Variants in NKAIN3 observed in about 807,000 individuals in gnomAD.
The protein encoded by NKAIN3 is sodium/potassium-transporting ATPase subunit beta-1-interacting protein 3.
A neutral mutation model predicts 30.2 loss-of-function variants in NKAIN3; 25 were observed. The ratio of observed to expected loss-of-function variants is 0.83; its 90% CI spans 0.60 to 1.16. NKAIN3 has a LOEUF of 1.16. NKAIN3 is among the 50% of genes most tolerant of loss of function. The pLI, the probability that NKAIN3 is intolerant of heterozygous loss-of-function variation, is 0.00. For missense variants in NKAIN3, 225 were observed against 254.1 expected (o/e 0.89, Z 0.78); for synonymous variants, 91 against 89.6 (o/e 1.02, Z -0.09).
intron 3 of NKAIN3, among the ~76,000 whole-genome samples, chr8:62,638,350 T>A (rs183580755): frequency 1.3e-5 from 2 of 152,284 alleles, no homozygotes; most frequent in Admixed American, 1.3e-4. Flanking sequence ...ATCTGAGAAG[T>A]ACATTCTACA....
At chr8:62,460,067 G>A (rs915856981) in intron 1 of NKAIN3, among the ~76,000 whole-genome samples, 1 of 152,188 alleles carries the variant, frequency 6.6e-6, no homozygotes, top group Non-Finnish European at 1.5e-5. Context: ...TGGGACGCCA[G>A]TGAAACGGTG....
chr8:62,935,380 C>G (rs928635607), intron 5 of NKAIN3, among the ~76,000 whole-genome samples: 2 of 152,096 alleles, frequency 1.3e-5, no homozygotes, highest in African/African-American at 2.4e-5. Flanking sequence ...TTACTGCATG[C>G]TTTCTGTGTG....
chr8:62,708,585 A>C (rs951942332), intron 3 of NKAIN3, among the ~76,000 whole-genome samples: 1 of 152,092 alleles, frequency 6.6e-6, no homozygotes, highest in Non-Finnish European at 1.5e-5. Flanking sequence ...TCCGGAAACT[A>C]TGCTGAATTC....
intron 1 of NKAIN3, among the ~76,000 whole-genome samples, chr8:62,470,681 C>G (rs569897774): frequency 6.6e-6 from 1 of 152,094 alleles, no homozygotes; most frequent in Non-Finnish European, 1.5e-5. Context: ...TTTCCCCCAC[C>G]AGTGATAACG....
At chr8:62,948,649 A>C (rs1823193185) in intron 5 of NKAIN3, among the ~76,000 whole-genome samples, 1 of 152,232 alleles carries the variant, frequency 6.6e-6, no homozygotes, top group South Asian at 2.1e-4. Flanking sequence ...CAAAGATGAA[A>C]GCAAAGTCCT....
chr8:62,755,219 C>G (rs1327677052), intron 4 of NKAIN3, among the ~76,000 whole-genome samples: 1 of 152,174 alleles, frequency 6.6e-6, no homozygotes, highest in Non-Finnish European at 1.5e-5. Context: ...AGGTGGACCT[C>G]AAACCCTGGC....
At chr8:62,760,662 A>T (rs972875734) in intron 4 of NKAIN3, among the ~76,000 whole-genome samples, 3 of 151,586 alleles carry the variant, frequency 2.0e-5, no homozygotes, top group African/African-American at 7.3e-5. Context: ...GCATTAGGAG[A>T]TATACCTAAT....
At chr8:62,577,981 A>G (rs1375683970) in intron 1 of NKAIN3, among the ~76,000 whole-genome samples, 2 of 152,210 alleles carry the variant, frequency 1.3e-5, no homozygotes, top group East Asian at 3.9e-4. Flanking sequence ...CAAGGAAATT[A>G]AAGCTATTCA....
rs1343141937 is a variant in NKAIN3 at position 62,983,144 on chromosome 8, T to C, written c.*17737T>C. The C allele has an allele frequency of 6.6e-6, 1 of 152,192 alleles. No homozygotes were observed. The highest frequency in any genetic ancestry group is 2.4e-5 in the African/African-American group (1 of 41,414). 9.4% of individuals were successfully genotyped at this position (152,192 alleles called of 1,614,324 possible). ...TGCCACACTACTTGCCAGTATCCAC[T>C]GGGAGACAAATTATGATTGTTGCGT... is the stretch of plus-strand genomic sequence containing the variant. On this transcript the variant is annotated 3_prime_UTR_variant, in exon 7 of 7. Coordinates refer to ENST00000623646, the MANE Select transcript of NKAIN3 (RefSeq NM_001304533.3).
At chr8:62,943,172 C>T (rs946825054) in intron 5 of NKAIN3, among the ~76,000 whole-genome samples, 2 of 152,000 alleles carry the variant, frequency 1.3e-5, no homozygotes, top group African/African-American at 4.8e-5. Context: ...CTACAAGAAA[C>T]TCAAACTAAT....
At chr8:62,695,444 A>G (rs1814125701) in intron 3 of NKAIN3, among the ~76,000 whole-genome samples, 1 of 152,186 alleles carries the variant, frequency 6.6e-6, no homozygotes, top group African/African-American at 2.4e-5. Flanking sequence ...TGGTGATAAT[A>G]ATAATGAGGT....
chr8:62,475,379 C>T lies in NKAIN3; in HGVS notation c.55-104160C>T, dbSNP rs150247337. On this transcript the variant is annotated intron_variant, in intron 1 of 6. Transcript: ENST00000623646. ...ACGACACTTCCATCCCAGCCCTGCT[C>T]TTCGTGGGCCCTTCTGTGAGACTTG... Among the ~76,000 whole-genome samples, 1,002 of 152,272 alleles carry T rather than the reference C, an allele frequency of 6.6e-3. 9 individuals carry two copies. Among genetic ancestry groups the T allele is most frequent in the African/African-American group, 0.022 (907 of 41,550 alleles).
chr8:62,325,130 A>G (rs1398878827), intron 1 of NKAIN3, among the ~76,000 whole-genome samples: 1 of 151,932 alleles, frequency 6.6e-6, no homozygotes, highest in Admixed American at 6.6e-5. Context: ...TCCCTTACCC[A>G]GCTCCCAACC....
chr8:62,475,965 T>C (rs1221244311), intron 1 of NKAIN3, among the ~76,000 whole-genome samples: 1 of 152,104 alleles, frequency 6.6e-6, no homozygotes, highest in Non-Finnish European at 1.5e-5. Context: ...TTCTGTGAAA[T>C]AACACAATTT....
At chr8:62,388,292 A>T (rs770980833) in intron 1 of NKAIN3, among the ~76,000 whole-genome samples, 5 of 152,202 alleles carry the variant, frequency 3.3e-5, no homozygotes, top group African/African-American at 9.6e-5. Context: ...TTTATATCTG[A>T]TTATTCCTAA....
chr8:62,828,251 G>A (rs570934264), intron 4 of NKAIN3, among the ~76,000 whole-genome samples: 53 of 152,182 alleles, frequency 3.5e-4, no homozygotes, highest in African/African-American at 1.2e-3. Context: ...GAGGTTATAG[G>A]TGGGGTAAGA....
At chr8:62,806,684 T>G (rs1295898540) in intron 4 of NKAIN3, among the ~76,000 whole-genome samples, 1 of 151,800 alleles carries the variant, frequency 6.6e-6, no homozygotes, top group African/African-American at 2.4e-5. Context: ...GGGATAGCAT[T>G]AGGAGATATA....
At position 62,322,056 on chromosome 8, in the gene NKAIN3, C is replaced by T. The variant is rs185027518; in HGVS notation, c.54+72929C>T. On this transcript the variant is annotated intron_variant, in intron 1 of 6. Coordinates refer to ENST00000623646, the MANE Select transcript of NKAIN3 (RefSeq NM_001304533.3). ...GACACCCCTCCCCCAGCCTCGCTGCCGCCTTGCAGTTGGATCTCAGACTGC... is the reference window on the plus strand; with the variant it reads ...GACACCCCTCCCCCAGCCTCGCTGCTGCCTTGCAGTTGGATCTCAGACTGC... Among the ~76,000 whole-genome samples the T allele has an allele frequency of 3.5e-4, 54 of 152,268 alleles. No homozygotes were observed. The East Asian group carries it at 7.5e-3, about 21-fold the overall frequency.
intron 1 of NKAIN3, among the ~76,000 whole-genome samples, chr8:62,320,017 T>G (rs1372027546): frequency 3.3e-5 from 5 of 152,200 alleles, no homozygotes; most frequent in Non-Finnish European, 5.9e-5. Context: ...TGGGTGCTCC[T>G]GTATTGGGTG....
Sources: allele counts gnomAD v4.1 joint callset (sites outside exome capture counted in the v4.1 genomes callset), GRCh38; gene constraint gnomAD v4.1.1; transcripts MANE v1.5; gene names NCBI Gene and HGNC (gene_info 2026-07-23, HGNC 2026-07-21).